Variants in CDADC1 observed in about 807,000 individuals in gnomAD.
The protein encoded by CDADC1 is cytidine and dCMP deaminase domain containing 1.
In CDADC1, 39 loss-of-function variants were observed where a neutral mutation model predicts 54.9. The ratio of observed to expected loss-of-function variants is 0.71; its 90% CI spans 0.55 to 0.93. The LOEUF (loss-of-function observed/expected upper bound fraction) is 0.93, where lower values mean the gene tolerates loss of function less well. Ranked by LOEUF, CDADC1 falls within the 40% of genes least tolerant of loss-of-function variation. The pLI is 0.00. For synonymous variants in CDADC1, 186 were observed against 204.0 expected, an observed-to-expected ratio of 0.91 and a Z score of 0.75; for missense variants, 518 against 618.8, an observed-to-expected ratio of 0.84 and a Z score of 1.73.
chr13:49,275,716 TATATATATATAGAGAGAGAGAGAG>T (rs1953098840), intron 6 of CDADC1, among the ~76,000 whole-genome samples: 18 of 58,010 alleles, frequency 3.1e-4, no homozygotes, highest in South Asian at 7.2e-4. Flanking sequence ...TATATATATA[TATATATATATAGAGAGAGAGAGAG>T]AGAGAGAGAG....
At chr13:49,275,999 C>T (rs985729929) in intron 6 of CDADC1, among the ~76,000 whole-genome samples, 3 of 151,724 alleles carry the variant, frequency 2.0e-5, no homozygotes, top group African/African-American at 7.3e-5. Flanking sequence ...AATCTCTTGA[C>T]TTCGTGATCC....
At chr13:49,254,878 G>T (rs1034716511) in intron 2 of CDADC1, among the ~76,000 whole-genome samples, 1 of 152,138 alleles carries the variant, frequency 6.6e-6, no homozygotes, top group Non-Finnish European at 1.5e-5. Context: ...ATAAATGAAG[G>T]ACTTTGGTCC....
intron 2 of CDADC1, among the ~76,000 whole-genome samples, chr13:49,249,963 A>C (rs1593781354): frequency 6.6e-6 from 1 of 152,132 alleles, no homozygotes; most frequent in African/African-American, 2.4e-5. Flanking sequence ...GGCCACGGCC[A>C]TTGGAAAATA....
chr13:49,254,587 G>T (rs913832083), intron 2 of CDADC1, among the ~76,000 whole-genome samples: 6 of 152,004 alleles, frequency 3.9e-5, no homozygotes, highest in African/African-American at 1.2e-4. Context: ...ATTTTTAGTA[G>T]AGACAGGGTT....
intron 4 of CDADC1, among the ~76,000 whole-genome samples, chr13:49,261,916 G>A (rs1043225619): frequency 6.6e-6 from 1 of 152,208 alleles, no homozygotes; most frequent in African/African-American, 2.4e-5. Context: ...AAATGCTTGT[G>A]TATTGGTGTT....
Position 49,267,771 on chromosome 13 carries a change from G to A in CDADC1, c.712G>A (p.Glu238Lys). 6.2e-7 allele frequency: 1 copy of A among 1,612,088 alleles called. No homozygotes were observed. Among genetic ancestry groups the A allele is most frequent in the African/African-American group, 1.3e-5 (1 of 74,930 alleles). Residue 238 changes from glutamate to lysine, a missense_variant, in exon 5 of 10, where the codon GAA becomes AAA. Glu to Lys is a moderately conservative substitution (Grantham distance 56). Transcript: ENST00000251108. Reference sequence around the variant, plus strand: ...TGAATGTAAACAAGAAAGAATAAAAGAATATGAAATGTTATTTTTGGTTTC... The same window carrying A: ...TGAATGTAAACAAGAAAGAATAAAAAAATATGAAATGTTATTTTTGGTTTC... ...YYECKQERIK[E>K]YEMLFLVSNE...
rs1953739656 is a variant in CDADC1 at position 49,292,458 on chromosome 13, GT to G, written c.*703del. ...TCACTAACAGTGAACCTCAAATTTG[GT>G]TATGATGTTAACAGAGAAGAAATAT... On this transcript the variant is annotated 3_prime_UTR_variant, in exon 10 of 10. Transcript: ENST00000251108. 1 of 1,015,388 alleles carries G rather than the reference GT, an allele frequency of 9.8e-7. No individual in the cohort carries two copies. The highest frequency in any genetic ancestry group is 3.9e-5 in the South Asian group (1 of 25,750). The allele number at this position is 1,015,388 out of a possible 1,614,324, so 62.9% of individuals were successfully genotyped here. A position where few individuals can be genotyped will look rare whatever the true frequency, so the allele number is the denominator to read the frequency against.
At chr13:49,278,169 A>G (rs1287822763) in intron 6 of CDADC1, among the ~76,000 whole-genome samples, 181 bp from the exon 7 acceptor site, 1 of 152,234 alleles carries the variant, frequency 6.6e-6, no homozygotes, top group East Asian at 1.9e-4. Flanking sequence ...CTTGGAATTT[A>G]GCTTTGACAA....
At chr13:49,279,369 C>T (rs1164361131) in intron 7 of CDADC1, among the ~76,000 whole-genome samples, 2 of 152,082 alleles carry the variant, frequency 1.3e-5, no homozygotes, top group Non-Finnish European at 2.9e-5. Flanking sequence ...CTGAACTGAG[C>T]TTTAAAGGAT....
intron 6 of CDADC1, among the ~76,000 whole-genome samples, chr13:49,275,283 G>C (rs1953075881): frequency 6.6e-6 from 1 of 151,634 alleles, no homozygotes; most frequent in South Asian, 2.1e-4. Flanking sequence ...ATGGGATTTT[G>C]CCATGTTGAC....
intron 2 of CDADC1, 111 bp from the exon 3 acceptor site, chr13:49,255,728 G>GAA (rs1363201653): frequency 1.6e-6 from 2 of 1,281,726 alleles, no homozygotes; most frequent in Non-Finnish European, 2.2e-6. Context: ...TTTCATCATG[G>GAA]AAAAAAAAAT....
chr13:49,276,339 A>G (rs1222397777), intron 6 of CDADC1, among the ~76,000 whole-genome samples: 1 of 152,164 alleles, frequency 6.6e-6, no homozygotes, highest in Admixed American at 6.5e-5. Flanking sequence ...GTAGGGCTAG[A>G]CAGAAAATAA....
intron 4 of CDADC1, among the ~76,000 whole-genome samples, chr13:49,262,409 A>T (rs988182864): frequency 6.6e-6 from 1 of 152,136 alleles, no homozygotes; most frequent in Admixed American, 6.5e-5. Flanking sequence ...TGCCTCACCA[A>T]TGCACTCCAG....
intron 6 of CDADC1, among the ~76,000 whole-genome samples, chr13:49,275,726 TAGAG>T (rs1163125791): frequency 1.9e-3 from 34 of 17,922 alleles, no homozygotes; most frequent in Non-Finnish European, 2.7e-3. Flanking sequence ...TATATATATA[TAGAG>T]AGAGAGAGAG....
At position 49,267,472 on chromosome 13, in the gene CDADC1, T is replaced by C. The variant is rs769625665; in HGVS notation, c.431-18T>C. On this transcript the variant is annotated intron_variant, in intron 4 of 9. Coordinates refer to ENST00000251108, the MANE Select transcript of CDADC1 (RefSeq NM_030911.4). ...TCAGCATGTATCTCATAATTACCTT[T>C]CGTATTTTGTATTTCAGCTGGAGTT... 10 of 1,594,880 alleles carry C rather than the reference T, an allele frequency of 6.3e-6. No homozygotes were observed.
At chr13:49,263,455 T>G (rs1952734860) in intron 4 of CDADC1, among the ~76,000 whole-genome samples, 1 of 152,150 alleles carries the variant, frequency 6.6e-6, no homozygotes, top group African/African-American at 2.4e-5. Flanking sequence ...TAAAAGCCAT[T>G]CTAAGTGCAA....
chr13:49,288,217 G>T (rs955309960), intron 9 of CDADC1, among the ~76,000 whole-genome samples: 1 of 152,148 alleles, frequency 6.6e-6, no homozygotes, highest in Admixed American at 6.5e-5. Context: ...ACATATGTTT[G>T]CTTTGTGACA....
chr13:49,275,692 TATATATATATATATA>T (rs1953087505), intron 6 of CDADC1, among the ~76,000 whole-genome samples: 1 of 16,294 alleles, frequency 6.1e-5, no homozygotes, highest in Non-Finnish European at 1.0e-4. Flanking sequence ...CTAGGTGTTA[TATATATATATATATA>T]TATATATATA....
chr13:49,254,701 A>G (rs1952505872), intron 2 of CDADC1, among the ~76,000 whole-genome samples: 2 of 152,094 alleles, frequency 1.3e-5, no homozygotes, highest in African/African-American at 4.8e-5. Flanking sequence ...GCACCTGGCT[A>G]TCTCACCTAT....
Sources: allele counts gnomAD v4.1 joint callset (sites outside exome capture counted in the v4.1 genomes callset), GRCh38; gene constraint gnomAD v4.1.1; transcripts MANE v1.5; gene names NCBI Gene and HGNC (gene_info 2026-07-23, HGNC 2026-07-21).